Variants in MBNL2 observed in about 807,000 individuals in gnomAD.
MBNL2 encodes the protein muscleblind-like protein 2.
MBNL2 carries 17 observed loss-of-function variants against 41.9 expected under a neutral mutation model. The ratio of observed to expected loss-of-function variants is 0.41; its 90% CI spans 0.28 to 0.61. The LOEUF is 0.61. Ranked by LOEUF, MBNL2 falls within the 20% of genes least tolerant of loss-of-function variation. The probability of loss-of-function intolerance (pLI) is 0.35; values close to 1 mark genes in which losing one functional copy is unlikely to be tolerated. For missense variants in MBNL2, 336 were observed against 505.6 expected (o/e 0.66, Z 3.22); for synonymous variants, 195 against 182.9 (o/e 1.07, Z -0.53).
intron 2 of MBNL2, among the ~76,000 whole-genome samples, chr13:97,329,760 A>AG (rs2060262619): frequency 7.0e-4 from 4 of 5,732 alleles, no homozygotes; most frequent in African/African-American, 3.9e-3. Flanking sequence ...TACTACACAC[A>AG]CAGCACACAC....
chr13:97,350,273 C>T (rs1035922847), intron 5 of MBNL2, among the ~76,000 whole-genome samples: 4 of 152,140 alleles, frequency 2.6e-5, no homozygotes, highest in Non-Finnish European at 5.9e-5. Flanking sequence ...AAGATGCTAA[C>T]CAATAGTCAG....
chr13:97,237,941 A>C (rs1265253686), intron 1 of MBNL2, among the ~76,000 whole-genome samples: 1 of 152,154 alleles, frequency 6.6e-6, no homozygotes, highest in African/African-American at 2.4e-5. Context: ...TGAGGCCAGG[A>C]GCAACTTACG....
chr13:97,296,864 T>C (rs1773691666), intron 2 of MBNL2, among the ~76,000 whole-genome samples: 1 of 152,174 alleles, frequency 6.6e-6, no homozygotes, highest in African/African-American at 2.4e-5. Flanking sequence ...AGCTGACTCA[T>C]TGCCATTTAA....
At chr13:97,377,471 T>C (rs1437103838) in intron 8 of MBNL2, among the ~76,000 whole-genome samples, 1 of 152,204 alleles carries the variant, frequency 6.6e-6, no homozygotes, top group East Asian at 1.9e-4. Flanking sequence ...ATAAATTTGC[T>C]TCCTCCCTAC....
At chr13:97,306,194 A>G (rs1384036569) in intron 2 of MBNL2, among the ~76,000 whole-genome samples, 1 of 152,248 alleles carries the variant, frequency 6.6e-6, no homozygotes, top group Non-Finnish European at 1.5e-5. Context: ...GAGATTTCAG[A>G]TGACAGAATT....
At chr13:97,220,554 A>G (rs546117193), upstream of MBNL2, among the ~76,000 whole-genome samples, 2 of 152,360 alleles carry the variant, frequency 1.3e-5, no homozygotes, top group African/African-American at 4.8e-5. Flanking sequence ...TTGAAAGTCT[A>G]TAATTCAGAT....
At chr13:97,245,569 A>G (rs1469467828) in intron 1 of MBNL2, among the ~76,000 whole-genome samples, 1 of 152,200 alleles carries the variant, frequency 6.6e-6, no homozygotes, top group Admixed American at 6.5e-5. Context: ...GCATTTCACT[A>G]TCTTAATTGA....
chr13:97,235,878 GA>G (rs150566645), intron 1 of MBNL2, among the ~76,000 whole-genome samples: 5,172 of 140,990 alleles, frequency 0.037, 138 homozygotes, highest in South Asian at 0.13. Context: ...GTTACAAACA[GA>G]AAAAAAAAAA....
upstream of MBNL2, among the ~76,000 whole-genome samples, chr13:97,217,858 T>TG (rs1181520098): frequency 6.6e-6 from 1 of 151,458 alleles, no homozygotes; most frequent in East Asian, 1.9e-4. Context: ...TAAAAGGTGG[T>TG]GGGGGGTTTA....
At chr13:97,233,669 T>G (rs1017216724) in intron 1 of MBNL2, among the ~76,000 whole-genome samples, 1 of 149,580 alleles carries the variant, frequency 6.7e-6, no homozygotes, top group African/African-American at 2.5e-5. Flanking sequence ...CTCTAGAGTT[T>G]CCCTGTTTTT....
intron 8 of MBNL2, among the ~76,000 whole-genome samples, chr13:97,382,616 C>T (rs1326720435): frequency 1.3e-5 from 2 of 151,972 alleles, no homozygotes; most frequent in African/African-American, 4.8e-5. Flanking sequence ...CCACCAGACC[C>T]ATTCACACCA....
At chr13:97,236,513 CT>C (rs202101299) in intron 1 of MBNL2, among the ~76,000 whole-genome samples, 8,373 of 137,718 alleles carry the variant, frequency 0.061, 249 homozygotes, top group South Asian at 0.12. Context: ...GATATGTGGT[CT>C]TTTTTTTTTT....
chr13:97,163,283 T>C, the MBNL2 span, among the ~76,000 whole-genome samples: 1 of 152,216 alleles, frequency 6.6e-6, no homozygotes, highest in Non-Finnish European at 1.5e-5. Flanking sequence ...AGATACCATG[T>C]ATTCAAACTT....
At chr13:97,156,711 T>C in the MBNL2 span, among the ~76,000 whole-genome samples, 7 of 149,026 alleles carry the variant, frequency 4.7e-5, no homozygotes, top group Admixed American at 1.3e-4. Flanking sequence ...GTTGTAGATA[T>C]GCGGCGTTAT....
chr13:97,220,407 CAG>C (rs2040754297), upstream of MBNL2, among the ~76,000 whole-genome samples: 2 of 151,938 alleles, frequency 1.3e-5, 1 homozygote, highest in South Asian at 4.2e-4. Flanking sequence ...GAAGACAAGA[CAG>C]AATAAAGGGA....
rs1240326791 is a variant in MBNL2 at position 97,334,271 on chromosome 13, T to C, written c.175-5T>C. The C allele has an allele frequency of 6.2e-7, 1 of 1,605,448 alleles. No homozygotes were observed. Among genetic ancestry groups the C allele is most frequent in the Non-Finnish European group, 8.5e-7 (1 of 1,176,698 alleles). Reference sequence around the variant, plus strand: ...TAGTCCTAAAACCAACACTTGTTTTTACAGGGCCGTTGTTCGAGAGAGAAC... The same window carrying C: ...TAGTCCTAAAACCAACACTTGTTTTCACAGGGCCGTTGTTCGAGAGAGAAC... On this transcript the variant is annotated splice_polypyrimidine_tract_variant and splice_region_variant and intron_variant, in intron 2 of 8. Coordinates refer to ENST00000679496, the MANE Select transcript of MBNL2 (RefSeq NM_001382683.1). This position sits in a 1 kb window ranked among gnomAD's most constrained non-coding sequence, Gnocchi z 5.3.
At chr13:97,262,891 G>C (rs1171274633) in intron 1 of MBNL2, among the ~76,000 whole-genome samples, 1 of 152,112 alleles carries the variant, frequency 6.6e-6, no homozygotes, top group Non-Finnish European at 1.5e-5. Flanking sequence ...CGCCTCCCAA[G>C]TAGCTGGGAT....
At chr13:97,321,285 C>T (rs1288784560) in intron 2 of MBNL2, among the ~76,000 whole-genome samples, 1 of 152,000 alleles carries the variant, frequency 6.6e-6, no homozygotes, top group Non-Finnish European at 1.5e-5. Flanking sequence ...GTCCCGGAAA[C>T]CCCCTGCTGT....
intron 2 of MBNL2, among the ~76,000 whole-genome samples, chr13:97,298,722 A>C (rs1253973385): frequency 1.3e-5 from 2 of 152,210 alleles, no homozygotes; most frequent in African/African-American, 4.8e-5. Flanking sequence ...TTAGCACAAA[A>C]GCATGCATTG....
Sources: allele counts gnomAD v4.1 joint callset (sites outside exome capture counted in the v4.1 genomes callset), GRCh38; gene constraint gnomAD v4.1.1; non-coding constraint Gnocchi (gnomAD v3.1); transcripts MANE v1.5; gene names NCBI Gene and HGNC (gene_info 2026-07-23, HGNC 2026-07-21).